Variants in ATRNL1 observed in about 807,000 individuals in gnomAD.
ATRNL1 encodes attractin-like protein 1.
In ATRNL1, 95 loss-of-function variants were observed where a neutral mutation model predicts 182.7. The ratio of observed to expected loss-of-function variants is 0.52; its 90% CI spans 0.44 to 0.62. The LOEUF is 0.62. Ranked by LOEUF, ATRNL1 falls within the 20% of genes least tolerant of loss-of-function variation. The pLI is 0.00. For synonymous variants in ATRNL1, 576 were observed against 568.3 expected (o/e 1.01, Z -0.19); for missense variants, 1,471 against 1,679.5 (o/e 0.88, Z 2.17).
intron 5 of ATRNL1, among the ~76,000 whole-genome samples, chr10:115,151,965 T>G (rs1325480248): frequency 6.6e-6 from 1 of 152,224 alleles, no homozygotes; most frequent in African/African-American, 2.4e-5. Context: ...ATTTATTAAA[T>G]AGGGAATCCT....
At chr10:115,896,396 G>A (rs549410957) in intron 28 of ATRNL1, among the ~76,000 whole-genome samples, 16 of 151,842 alleles carry the variant, frequency 1.1e-4, no homozygotes, top group South Asian at 6.2e-4. Context: ...AATTTTTTCC[G>A]AAGCAAGTGT....
At chr10:115,274,126 C>T (rs559616726) in intron 13 of ATRNL1, among the ~76,000 whole-genome samples, 2 of 152,308 alleles carry the variant, frequency 1.3e-5, no homozygotes, top group Non-Finnish European at 2.9e-5. Flanking sequence ...CTATAGGGGC[C>T]TGCCAAAGGC....
At chr10:115,334,844 C>T (rs114341921) in intron 19 of ATRNL1, among the ~76,000 whole-genome samples, 1,966 of 152,160 alleles carry the variant, frequency 0.013, 38 homozygotes, top group African/African-American at 0.044. Context: ...AGAGTAGTAT[C>T]TAGGAGAGTA....
At chr10:115,805,191 A>T (rs547098336) in intron 27 of ATRNL1, among the ~76,000 whole-genome samples, 1 of 152,262 alleles carries the variant, frequency 6.6e-6, no homozygotes, top group South Asian at 2.1e-4. Flanking sequence ...CTGTAATCCT[A>T]TTAGTCCATT....
chr10:115,469,053 A>G (rs1554971497), intron 23 of ATRNL1, 119 bp from the exon 24 acceptor site: 1 of 369,482 alleles, frequency 2.7e-6, no homozygotes, highest in African/African-American at 2.1e-5. Context: ...ATTCAAAATT[A>G]TAAACAGTAT....
intron 6 of ATRNL1, among the ~76,000 whole-genome samples, chr10:115,163,523 C>T (rs2144029191): frequency 6.6e-6 from 1 of 152,070 alleles, no homozygotes; most frequent in East Asian, 1.9e-4. Flanking sequence ...AACACTATGC[C>T]TGGCTAATTT....
At chr10:115,525,160 T>C (rs1185176027) in intron 25 of ATRNL1, among the ~76,000 whole-genome samples, 10 of 152,148 alleles carry the variant, frequency 6.6e-5, no homozygotes, top group African/African-American at 2.4e-5. Context: ...GCAACAACCC[T>C]CAGTCTCCTG....
chr10:115,240,865 T>A (rs1468886188), intron 9 of ATRNL1, among the ~76,000 whole-genome samples: 1 of 152,008 alleles, frequency 6.6e-6, no homozygotes, highest in East Asian at 1.9e-4. Context: ...CAAGATGCGT[T>A]GTAATTGTAA....
At chr10:115,259,978 T>C (rs190795001) in intron 10 of ATRNL1, among the ~76,000 whole-genome samples, 59 of 152,312 alleles carry the variant, frequency 3.9e-4, no homozygotes, top group East Asian at 3.1e-3. Context: ...AAGTATTGTA[T>C]GTAATTCTTT....
rs1402641661 is a variant in ATRNL1 at position 115,093,538 on chromosome 10, G to A, written c.-213G>A. The A allele has an allele frequency of 7.3e-6, 5 of 683,370 alleles. No individual in the cohort carries two copies. The highest frequency in any genetic ancestry group is 4.5e-5 in the South Asian group (3 of 66,176). 42.3% of individuals were successfully genotyped at this position (683,370 alleles called of 1,614,324 possible). A position where few individuals can be genotyped will look rare whatever the true frequency, so the allele number is the denominator to read the frequency against. Reference sequence around the variant, plus strand: ...CGCTAAGGACAAGGTCGGGAGACTGGGTGGCGATGCCCGAGTGCGACTGGA... The same window carrying A: ...CGCTAAGGACAAGGTCGGGAGACTGAGTGGCGATGCCCGAGTGCGACTGGA... On this transcript the variant is annotated 5_prime_UTR_variant, in exon 1 of 29. Coordinates refer to ENST00000355044, the MANE Select transcript of ATRNL1 (RefSeq NM_207303.4). This position sits in a 1 kb window ranked among gnomAD's most constrained non-coding sequence, Gnocchi z 6.1.
intron 26 of ATRNL1, among the ~76,000 whole-genome samples, chr10:115,703,102 G>T (rs1231204637): frequency 6.6e-6 from 1 of 151,836 alleles, no homozygotes; most frequent in Non-Finnish European, 1.5e-5. Flanking sequence ...CAGAAGTAAA[G>T]CCACACACTT....
chr10:115,667,939 A>G (rs1861097255), intron 26 of ATRNL1, among the ~76,000 whole-genome samples: 1 of 152,082 alleles, frequency 6.6e-6, no homozygotes, highest in South Asian at 2.1e-4. Flanking sequence ...TGCTGGGATT[A>G]CAGGTGTGAG....
In ATRNL1 at chr10:115,222,450, GA is replaced by G. The variant is rs374098051; in HGVS notation, c.1532+6571del. 1.5e-3 allele frequency among the ~76,000 whole-genome samples: 222 copies of G among 152,228 alleles called. 1 individual carries two copies. The highest frequency in any genetic ancestry group is 5.1e-3 in the African/African-American group (211 of 41,536). On this transcript the variant is annotated intron_variant, in intron 9 of 28. Coordinates refer to ENST00000355044, the MANE Select transcript of ATRNL1 (RefSeq NM_207303.4). ...AAAGTGACAAAGACATCAAGCCACA[GA>G]TTAAAGAAGTTCTGTGAGCACCAAG...
intron 18 of ATRNL1, among the ~76,000 whole-genome samples, chr10:115,332,471 A>C (rs1191302635): frequency 6.6e-6 from 1 of 152,198 alleles, no homozygotes; most frequent in Non-Finnish European, 1.5e-5. Context: ...ATCTTTCTAA[A>C]TATAATGCTC....
Position 115,642,440 on chromosome 10 carries a change from C to CTT in ATRNL1, c.3796-84799_3796-84798dup, listed in dbSNP as rs71303504. Among the ~76,000 whole-genome samples, 1,487 of 148,836 alleles carry CTT rather than the reference C, an allele frequency of 1.0e-2. 16 individuals carry two copies. The highest frequency in any genetic ancestry group is 0.034 in the African/African-American group (1,387 of 40,552). On this transcript the variant is annotated intron_variant, in intron 26 of 28. Transcript: ENST00000355044. ...CATACTCCTAATAAAAATTCTAGTG[C>CTT]TTTTTTTTTTCTTTTTTTTTGAGAT...
chr10:115,281,419 G>A lies in ATRNL1; in HGVS notation c.2165G>A (p.Cys722Tyr). Residue 722 changes from cysteine to tyrosine, a missense_variant, in exon 14 of 29, where the codon TGT becomes TAT. By Grantham distance (194) the Cys-to-Tyr change is radical. Transcript: ENST00000355044. ...CAGATTTGTAACAAACTTACCAGCT[G>A]TAAAAGCTGTTCACTAAACTTGAAT... ...NEQICNKLTS[C>Y]KSCSLNLNCQ... The A allele has an allele frequency of 6.2e-7, 1 of 1,613,568 alleles. No homozygotes were observed. Among genetic ancestry groups the A allele is most frequent in the Non-Finnish European group, 8.5e-7 (1 of 1,179,668 alleles).
intron 5 of ATRNL1, among the ~76,000 whole-genome samples, chr10:115,155,269 T>C (rs544163678): frequency 1.1e-3 from 171 of 152,132 alleles, no homozygotes; most frequent in African/African-American, 4.0e-3. Context: ...AGTCAGTCTG[T>C]GTTTTTTAAG....
intron 8 of ATRNL1, among the ~76,000 whole-genome samples, chr10:115,183,432 G>GA (rs1461666683): frequency 1.3e-5 from 2 of 150,986 alleles, no homozygotes; most frequent in Admixed American, 6.6e-5. Flanking sequence ...TAATTTTTTT[G>GA]AAAAAAACAG....
Position 115,947,606 on chromosome 10 carries a change from C to T in ATRNL1, c.*2827C>T, listed in dbSNP as rs1366752174. 1.3e-5 allele frequency: 2 copies of T among 152,542 alleles called. No homozygotes were observed. The highest frequency in any genetic ancestry group is 4.8e-5 in the African/African-American group (2 of 41,414). 9.4% of individuals were successfully genotyped at this position (152,542 alleles called of 1,614,324 possible). A position where few individuals can be genotyped will look rare whatever the true frequency, so the allele number is the denominator to read the frequency against. On this transcript the variant is annotated 3_prime_UTR_variant, in exon 29 of 29. Coordinates refer to ENST00000355044, the MANE Select transcript of ATRNL1 (RefSeq NM_207303.4). Reference sequence around the variant, plus strand: ...TTTGTTTTAGTGATACACAGAGATGCCGTATACTATAGTGTTATGTTCAGT... The same window carrying T: ...TTTGTTTTAGTGATACACAGAGATGTCGTATACTATAGTGTTATGTTCAGT...
Sources: allele counts gnomAD v4.1 joint callset (sites outside exome capture counted in the v4.1 genomes callset), GRCh38; gene constraint gnomAD v4.1.1; non-coding constraint Gnocchi (gnomAD v3.1); transcripts MANE v1.5; gene names NCBI Gene and HGNC (gene_info 2026-07-23, HGNC 2026-07-21).